The following OPCML variants were observed in gnomAD, a reference collection of about 807,000 sequenced individuals.
OPCML encodes opioid-binding protein/cell adhesion molecule.
In OPCML, 13 loss-of-function variants were observed where a neutral mutation model predicts 37.8. That is an observed-to-expected ratio of 0.34 (90% confidence interval 0.22 to 0.55). The LOEUF is 0.55. OPCML is among the 20% of genes least tolerant of loss of function. The pLI, the probability that OPCML is intolerant of heterozygous loss-of-function variation, is 0.91. For missense variants in OPCML, 341 were observed against 435.6 expected (o/e 0.78, Z 1.93); for synonymous variants, 176 against 168.8 (o/e 1.04, Z -0.33).
chr11:132,812,724 C>G (rs556192210), intron 2 of OPCML, among the ~76,000 whole-genome samples: 1 of 152,306 alleles, frequency 6.6e-6, no homozygotes, highest in Admixed American at 6.5e-5. Context: ...TATCTTATCA[C>G]TAATTCATCT....
chr11:133,195,460 G>C (rs761301221), intron 1 of OPCML, among the ~76,000 whole-genome samples: 3 of 152,150 alleles, frequency 2.0e-5, no homozygotes, highest in Non-Finnish European at 2.9e-5. Flanking sequence ...TTCTGACTTT[G>C]AAAAACATTT....
At chr11:132,861,852 A>C (rs924408683) in intron 2 of OPCML, among the ~76,000 whole-genome samples, 5 of 151,902 alleles carry the variant, frequency 3.3e-5, no homozygotes, top group African/African-American at 7.3e-5. Flanking sequence ...AAAAAAAAAA[A>C]AAAACAAAAA....
At chr11:132,730,281 CA>C (rs146148826) in intron 2 of OPCML, among the ~76,000 whole-genome samples, 1 of 152,150 alleles carries the variant, frequency 6.6e-6, no homozygotes, top group East Asian at 1.9e-4. Flanking sequence ...ATAAATAACA[CA>C]AATCAATCCA....
intron 2 of OPCML, among the ~76,000 whole-genome samples, chr11:132,908,004 C>T (rs1035223941): frequency 1.3e-5 from 2 of 152,070 alleles, no homozygotes; most frequent in Non-Finnish European, 2.9e-5. Flanking sequence ...CATATTGTGT[C>T]CCAAAGCTGT....
intron 1 of OPCML, among the ~76,000 whole-genome samples, chr11:133,256,583 A>G (rs1223459827): frequency 6.6e-6 from 1 of 152,162 alleles, no homozygotes; most frequent in Non-Finnish European, 1.5e-5. Context: ...ATGTGGGATG[A>G]TTTTACGTGA....
chr11:133,411,123 T>C (rs2136867455), intron 1 of OPCML, among the ~76,000 whole-genome samples: 1 of 152,196 alleles, frequency 6.6e-6, no homozygotes, highest in African/African-American at 2.4e-5. Flanking sequence ...TGCTGGGACC[T>C]AGACAAAGAC....
chr11:132,539,000 T>C (rs1591523769), intron 3 of OPCML, among the ~76,000 whole-genome samples: 1 of 152,374 alleles, frequency 6.6e-6, no homozygotes, highest in East Asian at 1.9e-4. Flanking sequence ...TGTATGTCTG[T>C]GTTCCATGAC....
At chr11:133,264,627 C>T (rs1157119652) in intron 1 of OPCML, among the ~76,000 whole-genome samples, 1 of 152,096 alleles carries the variant, frequency 6.6e-6, no homozygotes, top group African/African-American at 2.4e-5. Flanking sequence ...GAAATCAGAG[C>T]ACATATGGCA....
intron 2 of OPCML, among the ~76,000 whole-genome samples, chr11:132,806,794 A>G (rs1303131608): frequency 6.6e-6 from 1 of 152,182 alleles, no homozygotes; most frequent in Non-Finnish European, 1.5e-5. Flanking sequence ...CAACAGTGCC[A>G]TCATACACAT....
chr11:132,950,007 A>G (rs905630265), intron 1 of OPCML, among the ~76,000 whole-genome samples: 1 of 152,192 alleles, frequency 6.6e-6, no homozygotes, highest in African/African-American at 2.4e-5. Context: ...TGAAGGTTGG[A>G]GCTGAGCAAA....
chr11:132,490,515 C>T (rs921662345), intron 4 of OPCML, among the ~76,000 whole-genome samples: 28 of 150,890 alleles, frequency 1.9e-4, no homozygotes, highest in Non-Finnish European at 3.5e-4. Context: ...TACTCAAATG[C>T]CTTCCACGCT....
Position 132,736,839 on chromosome 11 carries a change from G to A in OPCML, c.147-79520C>T, listed in dbSNP as rs539359653. Among the ~76,000 whole-genome samples, 140 of 152,254 alleles carry A rather than the reference G, an allele frequency of 9.2e-4. 2 individuals carry two copies. The Middle Eastern group carries it at 0.024, about 26-fold the overall frequency. ...CTGAGACTCAGAGCTGGGACCACCCGGTGGAACCACTCATGCATGCCTGAC... is the reference window on the plus strand; with the variant it reads ...CTGAGACTCAGAGCTGGGACCACCCAGTGGAACCACTCATGCATGCCTGAC... On this transcript the variant is annotated intron_variant, in intron 2 of 7. Coordinates refer to ENST00000524381, the MANE Select transcript of OPCML (RefSeq NM_001012393.5).
At chr11:132,951,444 G>A (rs749387040) in intron 1 of OPCML, among the ~76,000 whole-genome samples, 10 of 152,128 alleles carry the variant, frequency 6.6e-5, no homozygotes, top group Non-Finnish European at 1.5e-4. Flanking sequence ...AGGGATTAGG[G>A]CCCCATCCTT....
chr11:133,029,159 A>C (rs939933572), intron 1 of OPCML, among the ~76,000 whole-genome samples: 9 of 152,228 alleles, frequency 5.9e-5, no homozygotes, highest in African/African-American at 2.2e-4. Context: ...CAGAACCAAA[A>C]TGAGATGCCA....
chr11:133,147,071 T>C (rs776109392), intron 1 of OPCML, among the ~76,000 whole-genome samples: 9 of 152,146 alleles, frequency 5.9e-5, no homozygotes, highest in Non-Finnish European at 8.8e-5. Flanking sequence ...ACAGAACTCC[T>C]TCAGTCAGCA....
At chr11:132,623,626 C>T (rs1939562343) in intron 3 of OPCML, among the ~76,000 whole-genome samples, 2 of 152,090 alleles carry the variant, frequency 1.3e-5, no homozygotes, top group African/African-American at 4.8e-5. Flanking sequence ...GGCTGGGTAT[C>T]ATATATCATC....
intron 2 of OPCML, among the ~76,000 whole-genome samples, chr11:132,681,500 G>A (rs1591718334): frequency 6.6e-6 from 1 of 152,084 alleles, no homozygotes; most frequent in East Asian, 1.9e-4. Flanking sequence ...GACTCTGGGG[G>A]AAGATGACCT....
intron 3 of OPCML, among the ~76,000 whole-genome samples, chr11:132,538,924 A>G (rs919821165): frequency 6.6e-6 from 1 of 152,132 alleles, no homozygotes; most frequent in African/African-American, 2.4e-5. Flanking sequence ...ACTCTTACTC[A>G]TACTTGAAAA....
intron 1 of OPCML, among the ~76,000 whole-genome samples, chr11:133,021,660 T>C (rs1346150923): frequency 1.1e-4 from 2 of 17,526 alleles, no homozygotes; most frequent in African/African-American, 1.7e-3. Context: ...GGGGATGTCA[T>C]TTCTAATCTT....
Sources: gnomAD v4.1 joint callset for allele counts (sites outside exome capture counted in the v4.1 genomes callset) on GRCh38, gnomAD v4.1.1 for gene constraint, MANE v1.5 for transcripts, NCBI Gene and HGNC (gene_info 2026-07-23, HGNC 2026-07-21) for gene names.